Variants in TRPA1 observed in about 807,000 individuals in gnomAD.
TRPA1 encodes the protein ankyrin-like with transmembrane domains 1.
TRPA1 carries 129 observed loss-of-function variants against 131.3 expected under a neutral mutation model. That is an observed-to-expected ratio of 0.98 (90% CI 0.85 to 1.14). The LOEUF is 1.14. Among genes scored for constraint, TRPA1 ranks in the 50% most tolerant of loss-of-function variants. The pLI is 0.00. For missense variants in TRPA1, 1,304 were observed against 1,354.2 expected, an observed-to-expected ratio of 0.96 and a Z score of 0.58; for synonymous variants, 441 against 451.7, an observed-to-expected ratio of 0.98 and a Z score of 0.30.
chr8:72,048,817 T>G (rs879712410), intron 15 of TRPA1, among the ~76,000 whole-genome samples: 2 of 152,198 alleles, frequency 1.3e-5, no homozygotes, highest in Non-Finnish European at 2.9e-5. Context: ...AAACTAATCC[T>G]AATCCTATAA....
intron 20 of TRPA1, 81 bp from the exon 21 acceptor site, chr8:72,036,538 C>T (rs1812058501): frequency 7.4e-7 from 1 of 1,343,850 alleles, no homozygotes; most frequent in African/African-American, 1.5e-5. Flanking sequence ...CCCCGTAATA[C>T]AATTTTTCTA....
intron 7 of TRPA1, among the ~76,000 whole-genome samples, chr8:72,059,730 A>C (rs945373016): frequency 1.1e-4 from 16 of 152,194 alleles, no homozygotes; most frequent in Non-Finnish European, 2.9e-5. Context: ...GTGAGTAGTA[A>C]CGTCTGTCCC....
chr8:72,078,624 TGG>T (rs2129437331), upstream of TRPA1, among the ~76,000 whole-genome samples: 2 of 152,270 alleles, frequency 1.3e-5, no homozygotes, highest in South Asian at 4.1e-4. Flanking sequence ...TTCCATTGTA[TGG>T]GTATACCATG....
intron 7 of TRPA1, among the ~76,000 whole-genome samples, chr8:72,059,856 C>A (rs1805766253): frequency 6.6e-6 from 1 of 152,106 alleles, no homozygotes. Flanking sequence ...CTTTGGGGGG[C>A]TTCTCTTTGG....
intron 17 of TRPA1, among the ~76,000 whole-genome samples, chr8:72,042,115 T>C (rs553031318): frequency 1.2e-4 from 18 of 151,862 alleles, no homozygotes; most frequent in Non-Finnish European, 2.5e-4. Flanking sequence ...AGGCAACCTA[T>C]GGAATGAGAA....
Position 72,038,862 on chromosome 8 carries a change from T to A in TRPA1, c.2295+3A>T. 1 of 1,608,572 alleles carries A rather than the reference T, an allele frequency of 6.2e-7. No homozygotes were observed. ...ATTTTAGAAAGTTAAAATTTGAAATTACCGTGGTATCTAGTATTTCTGAAT... is the reference window on the plus strand; with the variant it reads ...ATTTTAGAAAGTTAAAATTTGAAATAACCGTGGTATCTAGTATTTCTGAAT... On this transcript the variant is annotated splice_donor_region_variant and intron_variant, in intron 19 of 26. Transcript: ENST00000262209.
intron 1 of TRPA1, among the ~76,000 whole-genome samples, chr8:72,074,120 A>C (rs1352878217): frequency 6.6e-6 from 1 of 150,830 alleles, no homozygotes; most frequent in Non-Finnish European, 1.5e-5. Context: ...ATATCCATAA[A>C]GGTACCAAGG....
Position 72,047,308 on chromosome 8 carries a change from C to A in TRPA1, c.1906-101G>T. Reference sequence around the variant, plus strand: ...AATAATACACAAGACATTCCCTTTCCTTTCCTTGGTTTCTTGCATCTCAAG... The same window carrying A: ...AATAATACACAAGACATTCCCTTTCATTTCCTTGGTTTCTTGCATCTCAAG... On this transcript the variant is annotated intron_variant, in intron 15 of 26. Coordinates refer to ENST00000262209, the MANE Select transcript of TRPA1 (RefSeq NM_007332.3). 4.6e-6 allele frequency: 4 copies of A among 866,686 alleles called. No individual in the cohort carries two copies. In the South Asian group the frequency reaches 5.9e-5, roughly 13 times the overall value. The allele number at this position is 866,686 out of a possible 1,614,324, so 53.7% of individuals were successfully genotyped here.
chr8:72,073,531 G>C (rs1806110564), intron 1 of TRPA1, among the ~76,000 whole-genome samples: 1 of 152,160 alleles, frequency 6.6e-6, no homozygotes, highest in African/African-American at 2.4e-5. Context: ...GGTTCAACAA[G>C]AGATTTTTAC....
intron 3 of TRPA1, among the ~76,000 whole-genome samples, chr8:72,067,124 A>T (rs1805949960): frequency 6.6e-6 from 1 of 152,188 alleles, no homozygotes; most frequent in Non-Finnish European, 1.5e-5. Context: ...TTACTTTACA[A>T]CCATTATAGG....
chr8:72,025,960 G>A lies in TRPA1; in HGVS notation c.3051C>T (p.Phe1017=), dbSNP rs748566949. The change falls in exon 25 of 27, where the codon TTC becomes TTT. Residue 1017 remains phenylalanine, a splice_region_variant and synonymous_variant. Transcript: ENST00000262209. ...PNKPRSGGML[F]HIFCFLFCTG... Reference sequence around the variant, plus strand: ...GTTGTTATTTGTTATGTGTACTTACGAATAACATCCCACCAGATCTGGGTT... The same window carrying A: ...GTTGTTATTTGTTATGTGTACTTACAAATAACATCCCACCAGATCTGGGTT... 2.5e-6 allele frequency: 4 copies of A among 1,609,584 alleles called. No homozygotes were observed. The highest frequency in any genetic ancestry group is 3.3e-5 in the Admixed American group (2 of 59,932).
chr8:72,078,070 T>C (rs1033878132), upstream of TRPA1, among the ~76,000 whole-genome samples: 3 of 151,146 alleles, frequency 2.0e-5, no homozygotes, highest in African/African-American at 7.4e-5. Context: ...TATTGCTCAA[T>C]AACATTTTAT....
the TRPA1 span, among the ~76,000 whole-genome samples, chr8:72,085,372 G>A: frequency 6.6e-6 from 1 of 152,034 alleles, no homozygotes; most frequent in African/African-American, 2.4e-5. Context: ...CACCACAGTT[G>A]TGGAATTGAC....
At position 72,021,629 on chromosome 8, in the gene TRPA1, G is replaced by A. The variant is rs557225602; in HGVS notation, c.*1277C>T. 7.1e-6 allele frequency: 1 copy of A among 141,740 alleles called. No homozygotes were observed. Among genetic ancestry groups the A allele is most frequent in the South Asian group, 2.6e-4 (1 of 3,904 alleles). The allele number at this position is 141,740 out of a possible 1,614,324, so 8.8% of individuals were successfully genotyped here. On this transcript the variant is annotated 3_prime_UTR_variant, in exon 27 of 27. Coordinates refer to ENST00000262209, the MANE Select transcript of TRPA1 (RefSeq NM_007332.3). ...TGCTGGTTTGTATGAACATCAGTAT[G>A]TTTGAGAATGAGTGCAGGAAGGTGG...
At chr8:72,087,447 T>C in the TRPA1 span, among the ~76,000 whole-genome samples, 1 of 152,188 alleles carries the variant, frequency 6.6e-6, no homozygotes, top group African/African-American at 2.4e-5. Context: ...TAGATGCTCC[T>C]GTACTTTCCA....
intron 15 of TRPA1, among the ~76,000 whole-genome samples, chr8:72,048,999 T>C (rs984383558): frequency 5.9e-5 from 9 of 152,184 alleles, no homozygotes; most frequent in African/African-American, 2.2e-4. Context: ...AACTACAGAA[T>C]AAGAAAGTTT....
chr8:72,054,503 T>C (rs1805610614), intron 12 of TRPA1: 2 of 152,968 alleles, frequency 1.3e-5, no homozygotes, highest in South Asian at 4.1e-4. Flanking sequence ...TTTTTCAAAT[T>C]AGACAGAAAA....
At chr8:72,032,264 A>C (rs1402424517) in intron 23 of TRPA1, among the ~76,000 whole-genome samples, 1 of 152,248 alleles carries the variant, frequency 6.6e-6, no homozygotes, top group African/African-American at 2.4e-5. Flanking sequence ...TCATTAGCAG[A>C]GCATCACTAT....
intron 24 of TRPA1, among the ~76,000 whole-genome samples, chr8:72,029,039 C>A (rs1038547362): frequency 1.3e-5 from 2 of 152,144 alleles, no homozygotes; most frequent in Admixed American, 6.6e-5. Flanking sequence ...CAGTGAAGAG[C>A]ATAAAAATAA....
Sources: gnomAD v4.1 joint callset for allele counts (sites outside exome capture counted in the v4.1 genomes callset) on GRCh38, gnomAD v4.1.1 for gene constraint, MANE v1.5 for transcripts, NCBI Gene and HGNC (gene_info 2026-07-23, HGNC 2026-07-21) for gene names.